EMG1: variants seen among roughly 807,000 people sequenced by gnomAD.
EMG1 encodes the protein EMG1 N1-specific pseudouridine methyltransferase.
In EMG1, 24 loss-of-function variants were observed where a neutral mutation model predicts 26.9. The ratio of observed to expected loss-of-function variants is 0.89; its 90% CI spans 0.65 to 1.26. The LOEUF (loss-of-function observed/expected upper bound fraction) is 1.26, where lower values mean the gene tolerates loss of function less well. Among genes scored for constraint, EMG1 ranks in the 50% most tolerant of loss-of-function variants. EMG1 has a pLI of 0.00. For missense variants in EMG1, 299 were observed against 307.6 expected, an observed-to-expected ratio of 0.97 and a Z score of 0.21; for synonymous variants, 140 against 112.6, an observed-to-expected ratio of 1.24 and a Z score of -1.54.
downstream of EMG1, among the ~76,000 whole-genome samples, chr12:6,984,173 C>T (rs1946500033): frequency 6.6e-6 from 1 of 152,176 alleles, no homozygotes; most frequent in South Asian, 2.1e-4. Flanking sequence ...TCCTCACAGT[C>T]TGTAATCTGG....
At chr12:6,974,055 T>C (rs1277080956) in intron 1 of EMG1, among the ~76,000 whole-genome samples, 2 of 152,242 alleles carry the variant, frequency 1.3e-5, no homozygotes, top group Admixed American at 6.5e-5. Flanking sequence ...AAATCCAGTG[T>C]ATTAGTAGAT....
downstream of EMG1, among the ~76,000 whole-genome samples, chr12:6,980,384 A>G (rs1382691020): frequency 1.3e-5 from 2 of 151,834 alleles, no homozygotes; most frequent in African/African-American, 4.8e-5. Context: ...GGATTTTGCT[A>G]TGTTGCCCAG....
At chr12:6,995,396 C>T (rs1946628015) in intron 7 of EMG1, among the ~76,000 whole-genome samples, 1 of 151,948 alleles carries the variant, frequency 6.6e-6, no homozygotes, top group African/African-American at 2.4e-5. Flanking sequence ...ATCGCTTGAA[C>T]CCAGGAGGCG....
chr12:6,972,940 C>T (rs1167928556), intron 1 of EMG1, among the ~76,000 whole-genome samples: 1 of 151,794 alleles, frequency 6.6e-6, no homozygotes, highest in African/African-American at 2.4e-5. Context: ...CTGGCTCAAG[C>T]AGTCCTCCCA....
chr12:6,989,659 G>A (rs782362590), downstream of EMG1, among the ~76,000 whole-genome samples: 1 of 152,214 alleles, frequency 6.6e-6, no homozygotes, highest in East Asian at 1.9e-4. Flanking sequence ...CCTCTTCAGG[G>A]GTTGTAGTCA....
Position 6,975,164 on chromosome 12 carries a change from C to A in EMG1, c.471+16C>A. On this transcript the variant is annotated intron_variant, in intron 4 of 5. Transcript: ENST00000599672. ...GCTTTTGAAGGTGAGGTATTGAAAC[C>A]TGTTAGTTGAAGGCTGGTTCTGGGA... is the stretch of plus-strand genomic sequence containing the variant. 6.2e-7 allele frequency: 1 copy of A among 1,614,012 alleles called. No homozygotes were observed. Among genetic ancestry groups the A allele is most frequent in the Non-Finnish European group, 8.5e-7 (1 of 1,179,886 alleles).
downstream of EMG1, chr12:6,983,502 G>C (rs1056198354): frequency 6.2e-7 from 1 of 1,612,798 alleles, no homozygotes; most frequent in Non-Finnish European, 8.5e-7. Flanking sequence ...TCTCCTTGTA[G>C]AAAAGGTAAT....
rs1220627223 is a variant in EMG1, at chr12:6,985,771, G to GTT, written c.*155-1997_*155-1996dup. ...CTTCCTGGTGCCAGGATCAACTGGTGTTTTTTTTTTTTTTTGAGATGGAGT... is the reference window on the plus strand; with the variant it reads ...CTTCCTGGTGCCAGGATCAACTGGTGTTTTTTTTTTTTTTTTTGAGATGGAGT... On this transcript the variant is annotated intron_variant and NMD_transcript_variant, in intron 6 of 7. Coordinates refer to the EMG1 transcript ENST00000261406. Among the ~76,000 whole-genome samples the GTT allele has an allele frequency of 5.9e-3, 795 of 135,666 alleles. 12 individuals are homozygous for GTT. The highest frequency in any genetic ancestry group is 0.02 in the African/African-American group (737 of 37,402). The allele number at this position is 135,666 out of a possible 152,430, so 89.0% of individuals were successfully genotyped here.
rs972771034 is a variant in EMG1, at chr12:6,986,836, C to T, written c.*155-946C>T. 1.7e-4 allele frequency among the ~76,000 whole-genome samples: 26 copies of T among 150,988 alleles called. No homozygotes were observed. The South Asian group carries it at 2.5e-3, about 15-fold the overall frequency. On this transcript the variant is annotated intron_variant and NMD_transcript_variant, in intron 6 of 7. Transcript: ENST00000261406. ...AAAAAAAAAAGTTACACCTGTCGGC[C>T]GGGTGCGGCAGCTCACACCTGTAAT... is the stretch of plus-strand genomic sequence containing the variant.
rs1946446089 is a variant in EMG1 at position 6,979,371 on chromosome 12, A to G, written c.*3562A>G. On this transcript the variant is annotated 3_prime_UTR_variant, in exon 6 of 6. Coordinates refer to ENST00000599672, the MANE Select transcript of EMG1 (RefSeq NM_006331.8). ...TAGAGCAAAACCAACATGCACTTGT[A>G]GATGATATTTCCTACTTCTCTGCTA... is the stretch of plus-strand genomic sequence containing the variant. 2.3e-6 allele frequency: 2 copies of G among 852,660 alleles called. No individual in the cohort carries two copies. Among genetic ancestry groups the G allele is most frequent in the South Asian group, 1.5e-5 (1 of 64,976 alleles). 52.8% of individuals were successfully genotyped at this position (852,660 alleles called of 1,614,324 possible).
downstream of EMG1, among the ~76,000 whole-genome samples, chr12:6,989,310 C>T (rs1272841415): frequency 6.9e-6 from 1 of 144,072 alleles, no homozygotes; most frequent in Non-Finnish European, 1.5e-5. Flanking sequence ...ATTCAAAATG[C>T]GTGTTTTTTT....
rs1175414885 is a variant in EMG1, at chr12:6,977,513, T to A, written c.*1704T>A. 3 of 1,614,058 alleles carry A rather than the reference T, an allele frequency of 1.9e-6. No homozygotes were observed. Among genetic ancestry groups the A allele is most frequent in the Non-Finnish European group, 2.5e-6 (3 of 1,180,044 alleles). On this transcript the variant is annotated 3_prime_UTR_variant, in exon 6 of 6. Coordinates refer to ENST00000599672, the MANE Select transcript of EMG1 (RefSeq NM_006331.8). The surrounding 1 kb of genome is among the most constrained non-coding windows in gnomAD (Gnocchi z 4.5). The stretch of plus-strand genomic sequence containing the variant: ...TTGCTCAGGGTGGGGCTCTCTTGAA[T>A]GAGCCTGGCAGCCTGGGGAGGGAGG...
Position 6,977,643 on chromosome 12 carries a change from C to T in EMG1, c.*1834C>T. Reference sequence around the variant, plus strand: ...TGAGGAATTCCATCTGGAAGCAGACCAGGTATCCTGAGTGCAGGCCGTGCC... The same window carrying T: ...TGAGGAATTCCATCTGGAAGCAGACTAGGTATCCTGAGTGCAGGCCGTGCC... On this transcript the variant is annotated 3_prime_UTR_variant, in exon 6 of 6. Coordinates refer to ENST00000599672, the MANE Select transcript of EMG1 (RefSeq NM_006331.8). This position sits in a 1 kb window ranked among gnomAD's most constrained non-coding sequence, Gnocchi z 4.5. The T allele has an allele frequency of 1.2e-6, 2 of 1,614,206 alleles. No individual in the cohort carries two copies. Among genetic ancestry groups the T allele is most frequent in the African/African-American group, 2.7e-5 (2 of 75,056 alleles).
At chr12:6,990,567 T>C (rs7487926), downstream of EMG1, among the ~76,000 whole-genome samples, 1 of 120,678 alleles carries the variant, frequency 8.3e-6, no homozygotes, top group Non-Finnish European at 1.7e-5. Context: ...ATAAATAAAT[T>C]GAGCACCCCA....
At chr12:6,972,292 A>G (rs1206066246) in intron 1 of EMG1, among the ~76,000 whole-genome samples, 1 of 152,168 alleles carries the variant, frequency 6.6e-6, no homozygotes, top group African/African-American at 2.4e-5. Flanking sequence ...TCATTCAAGA[A>G]GGTTTTTTTC....
At chr12:6,984,304 A>G (rs16933021), downstream of EMG1, among the ~76,000 whole-genome samples, 1,311 of 152,362 alleles carry the variant, frequency 8.6e-3, 13 homozygotes, top group African/African-American at 0.03. Flanking sequence ...TGGGTCATGA[A>G]CTGATTATAC....
downstream of EMG1, among the ~76,000 whole-genome samples, chr12:6,990,542 T>C (rs1472707881): frequency 7.1e-6 from 1 of 141,074 alleles, no homozygotes; most frequent in African/African-American, 2.6e-5. Flanking sequence ...AATAAATAAA[T>C]AAATAAATAA....
chr12:6,986,894 G>A lies in EMG1; in HGVS notation c.*155-888G>A, dbSNP rs868918683. 1.4e-4 allele frequency among the ~76,000 whole-genome samples: 21 copies of A among 151,532 alleles called. 1 individual carries two copies. Among genetic ancestry groups the A allele is most frequent in the Admixed American group, 1.1e-3 (16 of 15,190 alleles). On this transcript the variant is annotated intron_variant and NMD_transcript_variant, in intron 6 of 7. Coordinates refer to the EMG1 transcript ENST00000261406. ...TTTGGGAGGCTTAGGCGGGTGGGTC[G>A]CCTGAGATCAGGAGTTTGAGACGAG...
At chr12:6,981,706 GC>G, downstream of EMG1, 1 of 1,261,010 alleles carries the variant, frequency 7.9e-7, no homozygotes, top group Non-Finnish European at 1.1e-6. Flanking sequence ...ACTGAGTGCA[GC>G]CAGAAGTGTA....
Sources: gnomAD v4.1 joint callset for allele counts (sites outside exome capture counted in the v4.1 genomes callset) on GRCh38, gnomAD v4.1.1 for gene constraint, Gnocchi (gnomAD v3.1) non-coding constraint, MANE v1.5 for transcripts, NCBI Gene and HGNC (gene_info 2026-07-23, HGNC 2026-07-21) for gene names.